Variants in PTPRD observed in about 807,000 individuals in gnomAD.
PTPRD encodes protein tyrosine phosphatase receptor type D.
In PTPRD, 34 loss-of-function variants were observed where a neutral mutation model predicts 214.5. The observed-to-expected ratio is 0.16, with a 90% CI of 0.12 to 0.21. PTPRD has a LOEUF of 0.21. Ranked by LOEUF, PTPRD falls within the 10% of genes least tolerant of loss-of-function variation. The pLI, the probability that PTPRD is intolerant of heterozygous loss-of-function variation, is 1.00. For synonymous variants in PTPRD, 1,128 were observed against 845.7 expected (o/e 1.33, Z -5.79); for missense variants, 2,545 against 2,398.7 (o/e 1.06, Z -1.27).
At chr9:9,404,163 C>T (rs1482532451) in intron 8 of PTPRD, among the ~76,000 whole-genome samples, 1 of 151,924 alleles carries the variant, frequency 6.6e-6, no homozygotes, top group African/African-American at 2.4e-5. Context: ...TAGGCCAGTG[C>T]CAAGAAATTT....
chr9:8,735,943 TA>T (rs1202824484), intron 11 of PTPRD, among the ~76,000 whole-genome samples: 5 of 149,152 alleles, frequency 3.4e-5, no homozygotes, highest in South Asian at 2.1e-4. Context: ...ATTCAGACTT[TA>T]AAAAAAAATA....
chr9:10,270,594 T>G (rs529890282), intron 3 of PTPRD, among the ~76,000 whole-genome samples: 1 of 152,196 alleles, frequency 6.6e-6, no homozygotes, highest in South Asian at 2.1e-4. Flanking sequence ...CCATACCAGA[T>G]TTTTTGATCT....
rs191852388 is a variant in PTPRD, at chr9:8,728,794, A to C, written c.64+4986T>G. ...TCGAAGTTCGAGACCAGCCTGGCCAACATGGTGAAACCCCGTATTTATTAA... is the reference window on the plus strand; with the variant it reads ...TCGAAGTTCGAGACCAGCCTGGCCACCATGGTGAAACCCCGTATTTATTAA... On this transcript the variant is annotated intron_variant, in intron 12 of 45. Coordinates refer to ENST00000381196, the MANE Select transcript of PTPRD (RefSeq NM_002839.4). Among the ~76,000 whole-genome samples the C allele has an allele frequency of 5.3e-4, 81 of 152,246 alleles. No individual in the cohort carries two copies. In the East Asian group the frequency reaches 0.014, roughly 26 times the overall value.
chr9:9,542,128 GA>G (rs1003732238), intron 8 of PTPRD, among the ~76,000 whole-genome samples: 1 of 151,200 alleles, frequency 6.6e-6, no homozygotes, highest in African/African-American at 2.4e-5. Flanking sequence ...GATACTTACA[GA>G]AAAAAACGAA....
intron 9 of PTPRD, among the ~76,000 whole-genome samples, chr9:9,347,010 A>T (rs1313447809): frequency 6.6e-6 from 1 of 151,910 alleles, no homozygotes; most frequent in Admixed American, 6.6e-5. Flanking sequence ...TAATCTTAAC[A>T]CAGCCCCTGG....
intron 5 of PTPRD, among the ~76,000 whole-genome samples, chr9:9,806,143 G>C (rs762913967): frequency 3.9e-5 from 6 of 152,142 alleles, no homozygotes; most frequent in Non-Finnish European, 2.9e-5. Flanking sequence ...GCTGGTGTTA[G>C]AGTAGGTAGG....
intron 2 of PTPRD, among the ~76,000 whole-genome samples, chr9:10,567,220 T>G (rs953787888): frequency 6.6e-6 from 1 of 152,090 alleles, no homozygotes; most frequent in Admixed American, 6.6e-5. Context: ...TTAGAATAAA[T>G]GATATGACAA....
chr9:8,861,183 C>T (rs954079774), intron 11 of PTPRD: 1 of 152,132 alleles, frequency 6.6e-6, no homozygotes, highest in African/African-American at 2.4e-5. Flanking sequence ...AAGATTTATT[C>T]TCATTTATCA....
chr9:9,286,789 T>C (rs1949524609), intron 9 of PTPRD, among the ~76,000 whole-genome samples: 2 of 148,344 alleles, frequency 1.3e-5, no homozygotes, highest in South Asian at 4.3e-4. Flanking sequence ...TTGATCTTTC[T>C]GTTGATAGCA....
At chr9:9,091,040 C>T in intron 10 of PTPRD, 5 of 1,549,834 alleles carry the variant, frequency 3.2e-6, no homozygotes, top group Non-Finnish European at 3.5e-6. Flanking sequence ...GTGGAGGCCG[C>T]AGCAGTCAGG....
At chr9:9,897,358 C>T (rs1043406375) in intron 5 of PTPRD, among the ~76,000 whole-genome samples, 1 of 152,002 alleles carries the variant, frequency 6.6e-6, no homozygotes, top group Admixed American at 6.6e-5. Context: ...AACCTACACA[C>T]TTCCACCAAG....
At chr9:10,330,894 C>A (rs1374957276) in intron 3 of PTPRD, among the ~76,000 whole-genome samples, 1 of 151,836 alleles carries the variant, frequency 6.6e-6, no homozygotes, top group Non-Finnish European at 1.5e-5. Context: ...AGTTAGCCAA[C>A]TTCTCTTGCA....
chr9:9,835,583 C>A lies in PTPRD; in HGVS notation c.-367-68732G>T, dbSNP rs1382407762. ...ACAAATTCATGCCTTCTTTAGCAAG[C>A]AGCTCATCTTCTTTTGACAAATAGC... On this transcript the variant is annotated intron_variant, in intron 5 of 45. Transcript: ENST00000381196. 7.9e-5 allele frequency among the ~76,000 whole-genome samples: 12 copies of A among 152,132 alleles called. No individual in the cohort carries two copies. The South Asian group carries it at 8.3e-4, about 10-fold the overall frequency.
chr9:9,950,143 C>G (rs1462340368), intron 4 of PTPRD, among the ~76,000 whole-genome samples: 1 of 152,152 alleles, frequency 6.6e-6, no homozygotes, highest in African/African-American at 2.4e-5. Context: ...GTGACAACGA[C>G]CTTTGTGTGA....
chr9:9,054,873 G>A (rs1162452379), intron 10 of PTPRD, among the ~76,000 whole-genome samples: 2 of 152,048 alleles, frequency 1.3e-5, no homozygotes, highest in Admixed American at 6.6e-5. Flanking sequence ...TTGTGCAAGG[G>A]AACACAAAGA....
intron 9 of PTPRD, among the ~76,000 whole-genome samples, chr9:9,186,661 T>A (rs372186022): frequency 0.012 from 1,446 of 121,234 alleles, 13 homozygotes; most frequent in African/African-American, 0.02. Context: ...TCTCTCTCTC[T>A]CTCTCACACA....
intron 5 of PTPRD, among the ~76,000 whole-genome samples, chr9:9,831,789 C>T (rs902825399): frequency 1.3e-5 from 2 of 151,928 alleles, no homozygotes; most frequent in Admixed American, 1.3e-4. Context: ...AATGTTATTT[C>T]ACCAAGGTGG....
intron 37 of PTPRD, among the ~76,000 whole-genome samples, chr9:8,376,948 C>G (rs913962528): frequency 6.6e-6 from 1 of 152,080 alleles, no homozygotes; most frequent in East Asian, 1.9e-4. Context: ...GTAACAGATT[C>G]AATTTTCCTG....
intron 7 of PTPRD, among the ~76,000 whole-genome samples, chr9:9,609,760 G>A (rs564877395): frequency 6.6e-6 from 1 of 152,162 alleles, no homozygotes; most frequent in Non-Finnish European, 1.5e-5. Flanking sequence ...ACCGCACCTG[G>A]CACAATGTGA....
Sources: gnomAD v4.1 joint callset for allele counts (sites outside exome capture counted in the v4.1 genomes callset) on GRCh38, gnomAD v4.1.1 for gene constraint, MANE v1.5 for transcripts, NCBI Gene and HGNC (gene_info 2026-07-23, HGNC 2026-07-21) for gene names.